Variants in LAMC1 observed in about 807,000 individuals in gnomAD.
LAMC1 encodes the protein laminin subunit gamma 1.
Under a neutral mutation model 173.6 loss-of-function variants are expected in LAMC1, and 38 were observed. That is an observed-to-expected ratio of 0.22 (90% CI 0.17 to 0.29). The LOEUF (loss-of-function observed/expected upper bound fraction) is 0.29, where lower values mean the gene tolerates loss of function less well. Among genes scored for constraint, LAMC1 ranks in the 10% least tolerant of loss-of-function variants. The probability of loss-of-function intolerance (pLI) is 1.00; values close to 1 mark genes in which losing one functional copy is unlikely to be tolerated. For missense variants in LAMC1, 1,824 were observed against 2,051.8 expected (o/e 0.89, Z 2.14); for synonymous variants, 746 against 749.1 (o/e 1.00, Z 0.07).
chr1:183,035,133 G>A lies in LAMC1; in HGVS notation c.418+10999G>A, dbSNP rs376706062. On this transcript the variant is annotated intron_variant, in intron 1 of 27. Coordinates refer to ENST00000258341, the MANE Select transcript of LAMC1 (RefSeq NM_002293.4). ...CACTGCTTTAGGATCTCTGGATTTC[G>A]ACTGCTTCTGTTAAAAGGGCTTTAC... Among the ~76,000 whole-genome samples the A allele has an allele frequency of 1.1e-4, 16 of 152,130 alleles. 1 individual carries two copies. The highest frequency in any genetic ancestry group is 2.1e-4 in the South Asian group (1 of 4,824).
chr1:183,072,415 T>C (rs777101875), intron 1 of LAMC1, among the ~76,000 whole-genome samples: 3 of 152,248 alleles, frequency 2.0e-5, no homozygotes, highest in African/African-American at 4.8e-5. Flanking sequence ...GAGCCCTCTT[T>C]CCTCAGATTT....
At chr1:183,123,570 C>G (rs1464150591) in intron 13 of LAMC1, among the ~76,000 whole-genome samples, 1 of 152,144 alleles carries the variant, frequency 6.6e-6, no homozygotes, top group Non-Finnish European at 1.5e-5. Flanking sequence ...TCTTCTCTGT[C>G]TTTCCATTGC....
intron 1 of LAMC1, among the ~76,000 whole-genome samples, chr1:183,064,474 CA>C (rs1654817211): frequency 6.6e-6 from 1 of 152,126 alleles, no homozygotes; most frequent in Non-Finnish European, 1.5e-5. Flanking sequence ...CATAACCAAA[CA>C]TAAACACTTC....
Position 183,116,578 on chromosome 1 carries a change from C to G in LAMC1, c.1330C>G (p.Pro444Ala). 2 of 1,591,770 alleles carry G rather than the reference C, an allele frequency of 1.3e-6. No homozygotes were observed. Among genetic ancestry groups the G allele is most frequent in the Non-Finnish European group, 1.7e-6 (2 of 1,161,288 alleles). ...TTTTATCCATTTTTCATTGAATAGGCCATGCTCTTGTGATCCCTCTGGCAG... is the reference window on the plus strand; with the variant it reads ...TTTTATCCATTTTTCATTGAATAGGGCATGCTCTTGTGATCCCTCTGGCAG... ...FHSLTEAGCR[P>A]CSCDPSGSID... The change falls in exon 7 of 28, where the codon CCA becomes GCA. Residue 444 changes from proline (P) to alanine (A), a missense_variant and splice_region_variant. Transcript: ENST00000258341.
chr1:183,115,524 T>C lies in LAMC1; in HGVS notation c.1215T>C (p.Ser405=). Residue 405 remains serine, a synonymous_variant, in exon 6 of 28, where the codon TCT becomes TCC. Transcript: ENST00000258341. Reference sequence around the variant, plus strand: ...AATAGGCATTTTACATTTTAGGCTCTCTAAGCACACAGTGTGATAGTTACG... The same window carrying C: ...AATAGGCATTTTACATTTTAGGCTCCCTAAGCACACAGTGTGATAGTTACG... ...CSSCHCSPVG[S]LSTQCDSYGR... 6.2e-7 allele frequency: 1 copy of C among 1,612,042 alleles called. No homozygotes were observed. Among genetic ancestry groups the C allele is most frequent in the Non-Finnish European group, 8.5e-7 (1 of 1,178,154 alleles).
intron 1 of LAMC1, among the ~76,000 whole-genome samples, chr1:183,033,872 T>G (rs2102009086): frequency 6.6e-6 from 1 of 151,946 alleles, no homozygotes; most frequent in East Asian, 1.9e-4. Flanking sequence ...TTTTTTGTAT[T>G]TTTTTTAGTA....
At chr1:183,024,473 T>C (rs1437197164) in intron 1 of LAMC1, among the ~76,000 whole-genome samples, 1 of 152,160 alleles carries the variant, frequency 6.6e-6, no homozygotes, top group Non-Finnish European at 1.5e-5. Context: ...CCATCCCCAC[T>C]TTTCTCTTTG....
At chr1:183,098,673 G>A (rs995218083) in intron 1 of LAMC1, among the ~76,000 whole-genome samples, 2 of 152,086 alleles carry the variant, frequency 1.3e-5, no homozygotes, top group African/African-American at 4.8e-5. Context: ...TGTCTTTGCC[G>A]CCAGTCTTGA....
intron 21 of LAMC1, among the ~76,000 whole-genome samples, 193 bp downstream of exon 21, chr1:183,132,730 A>G (rs1172340259): frequency 6.6e-6 from 1 of 152,194 alleles, no homozygotes; most frequent in Non-Finnish European, 1.5e-5. Context: ...GGTTTGATTC[A>G]ATTACTGTAA....
chr1:183,142,132 G>A (rs192535797), intron 27 of LAMC1, among the ~76,000 whole-genome samples: 3 of 152,138 alleles, frequency 2.0e-5, no homozygotes, highest in African/African-American at 4.8e-5. Context: ...AGGGATTAGG[G>A]TTCTTAGAGA....
chr1:183,132,446 A>G lies in LAMC1; in HGVS notation c.3613A>G (p.Asn1205Asp). 1.9e-6 allele frequency: 3 copies of G among 1,613,562 alleles called. No homozygotes were observed. The highest frequency in any genetic ancestry group is 1.7e-6 in the Non-Finnish European group (2 of 1,179,466). ...DDIVRVAKTA[N>D]DTSTEAYNLL... ...CATTGTTCGAGTGGCAAAGACAGCC[A>G]ATGATACGTCAACTGAGGCATACAA... Residue 1205 changes from asparagine (N) to aspartate (D), a missense_variant, in exon 21 of 28, where the codon AAT becomes GAT. Transcript: ENST00000258341.
intron 1 of LAMC1, among the ~76,000 whole-genome samples, chr1:183,068,921 A>G (rs1298407841): frequency 6.6e-6 from 1 of 152,102 alleles, no homozygotes; most frequent in Non-Finnish European, 1.5e-5. Context: ...CAGCCTGGCA[A>G]CAGAGCGAGA....
Position 183,103,477 on chromosome 1 carries a change from A to G in LAMC1, c.568A>G (p.Asn190Asp). The G allele has an allele frequency of 1.2e-6, 2 of 1,613,986 alleles. No homozygotes were observed. Among genetic ancestry groups the G allele is most frequent in the Non-Finnish European group, 1.7e-6 (2 of 1,179,836 alleles). ...CTGTGAGAACACCTACTCCAAGGCA[A>G]ACCGCGGCTTCATCAGGACAGGAGG... The part of the protein sequence containing the change: ...GSCENTYSKA[N>D]RGFIRTGGDE... The change falls in exon 2 of 28, where the codon AAC (asparagine) becomes GAC (aspartate). Residue 190 changes from asparagine (N) to aspartate (D), a missense_variant. Asn to Asp is a conservative substitution (Grantham distance 23). Coordinates refer to ENST00000258341, the MANE Select transcript of LAMC1 (RefSeq NM_002293.4).
chr1:183,118,284 T>C (rs1656377527), intron 11 of LAMC1, 138 bp downstream of exon 11: 1 of 517,054 alleles, frequency 1.9e-6, no homozygotes, highest in South Asian at 3.4e-5. Flanking sequence ...ATGAATTATA[T>C]ATAAAGACAA....
chr1:183,042,439 G>C (rs998101213), intron 1 of LAMC1, among the ~76,000 whole-genome samples: 4 of 152,224 alleles, frequency 2.6e-5, no homozygotes, highest in African/African-American at 4.8e-5. Flanking sequence ...GGAAAATGGG[G>C]TCTAGCTGGG....
chr1:183,107,594 G>A (rs1656014756), intron 2 of LAMC1, among the ~76,000 whole-genome samples: 1 of 152,212 alleles, frequency 6.6e-6, no homozygotes, highest in South Asian at 2.1e-4. Context: ...ACTTTGGGAG[G>A]CCGAGGCGGG....
At position 183,143,043 on chromosome 1, in the gene LAMC1, G is replaced by C; in HGVS notation, c.*253G>C. Reference sequence around the variant, plus strand: ...CTACCTTACCCACACTTTCCCTTCTGATTTGCGTGAGGACGTGGCATCCTA... The same window carrying C: ...CTACCTTACCCACACTTTCCCTTCTCATTTGCGTGAGGACGTGGCATCCTA... On this transcript the variant is annotated 3_prime_UTR_variant, in exon 28 of 28. Transcript: ENST00000258341. The C allele has an allele frequency of 2.4e-6, 1 of 423,866 alleles. No homozygotes were observed. Among genetic ancestry groups the C allele is most frequent in the African/African-American group, 2.0e-5 (1 of 50,180 alleles). The allele number at this position is 423,866 out of a possible 1,614,324, so 26.3% of individuals were successfully genotyped here.
At chr1:183,109,906 G>T (rs1656095563) in intron 3 of LAMC1, among the ~76,000 whole-genome samples, 1 of 152,152 alleles carries the variant, frequency 6.6e-6, no homozygotes, top group Non-Finnish European at 1.5e-5. Flanking sequence ...ACATCCATAT[G>T]GGGGTGAGGT....
rs773358139 is a variant in LAMC1 at position 183,127,327 on chromosome 1, G to A, written c.3046G>A (p.Glu1016Lys). 2.5e-6 allele frequency: 4 copies of A among 1,614,074 alleles called. No individual in the cohort carries two copies. Residue 1016 changes from glutamate to lysine, a missense_variant, in exon 17 of 28, where the codon GAA becomes AAA. Transcript: ENST00000258341. Reference sequence around the variant, plus strand: ...TGTGGGAAATCGCTGTGACCAGTGTGAAGAAAACTATTTCTACAATCGGTC... The same window carrying A: ...TGTGGGAAATCGCTGTGACCAGTGTAAAGAAAACTATTTCTACAATCGGTC... ...GFVGNRCDQCEENYFYNRSWP... is the reference protein window; with the variant it reads ...GFVGNRCDQCKENYFYNRSWP...
Sources: gnomAD v4.1 joint callset for allele counts (sites outside exome capture counted in the v4.1 genomes callset) on GRCh38, gnomAD v4.1.1 for gene constraint, MANE v1.5 for transcripts, NCBI Gene and HGNC (gene_info 2026-07-23, HGNC 2026-07-21) for gene names.